Variants in HTR7 observed in about 807,000 individuals in gnomAD.
HTR7 encodes the protein 5-HT-7.
A neutral mutation model predicts 34.0 loss-of-function variants in HTR7; 16 were observed. The ratio of observed to expected loss-of-function variants is 0.47; its 90% CI spans 0.32 to 0.71. HTR7 has a LOEUF of 0.71. Among genes scored for constraint, HTR7 ranks in the 30% least tolerant of loss-of-function variants. The pLI, the probability that HTR7 is intolerant of heterozygous loss-of-function variation, is 0.04. For missense variants in HTR7, 504 were observed against 625.5 expected, an observed-to-expected ratio of 0.81 and a Z score of 2.07; for synonymous variants, 265 against 260.2, an observed-to-expected ratio of 1.02 and a Z score of -0.18.
chr10:90,773,914 G>A (rs1044079059), intron 1 of HTR7, among the ~76,000 whole-genome samples: 5 of 152,126 alleles, frequency 3.3e-5, no homozygotes, highest in Non-Finnish European at 7.3e-5. Flanking sequence ...CAACAAACAT[G>A]GGAGTGCAGA....
At chr10:90,780,493 T>C (rs557391837) in intron 1 of HTR7, among the ~76,000 whole-genome samples, 15 of 140,058 alleles carry the variant, frequency 1.1e-4, no homozygotes, top group African/African-American at 4.1e-4. Flanking sequence ...GCCGAGATCG[T>C]GGCACTGCAC....
chr10:90,777,074 A>G (rs114258875), intron 1 of HTR7, among the ~76,000 whole-genome samples: 4,167 of 152,282 alleles, frequency 0.027, 159 homozygotes, highest in African/African-American at 0.084. Context: ...TTTTCCTCTG[A>G]GGGTCAGCAG....
intron 1 of HTR7, among the ~76,000 whole-genome samples, chr10:90,850,778 A>G (rs1429305190): frequency 6.6e-6 from 1 of 152,256 alleles, no homozygotes; most frequent in Non-Finnish European, 1.5e-5. Flanking sequence ...CAGATTAGAC[A>G]TAGTAGAAGA....
intron 1 of HTR7, among the ~76,000 whole-genome samples, chr10:90,802,854 T>C (rs1845650057): frequency 6.6e-6 from 1 of 152,182 alleles, no homozygotes; most frequent in Non-Finnish European, 1.5e-5. Context: ...TTCCCTTCCA[T>C]GGACAGCTTT....
chr10:90,792,188 T>C (rs1232322802), intron 1 of HTR7, among the ~76,000 whole-genome samples: 1 of 152,152 alleles, frequency 6.6e-6, no homozygotes, highest in Non-Finnish European at 1.5e-5. Context: ...TCAAATTTCT[T>C]GCCTTCCAGT....
chr10:90,844,046 C>T (rs542366446), intron 1 of HTR7, among the ~76,000 whole-genome samples: 2 of 152,316 alleles, frequency 1.3e-5, no homozygotes, highest in South Asian at 4.1e-4. Context: ...GCAACAGAGA[C>T]CTTACAGTCC....
chr10:90,841,860 C>T (rs940855844), intron 1 of HTR7, among the ~76,000 whole-genome samples: 1 of 152,030 alleles, frequency 6.6e-6, no homozygotes, highest in African/African-American at 2.4e-5. Flanking sequence ...ATTAGCCAGG[C>T]GTGATGGTGC....
At chr10:90,747,554 G>A (rs1360889026) in intron 2 of HTR7, among the ~76,000 whole-genome samples, 1 of 152,178 alleles carries the variant, frequency 6.6e-6, no homozygotes, top group African/African-American at 2.4e-5. Flanking sequence ...TAAGATAAAG[G>A]CAGTCCAGTA....
intron 1 of HTR7, among the ~76,000 whole-genome samples, chr10:90,798,006 T>C (rs1243153858): frequency 1.3e-5 from 2 of 152,184 alleles, no homozygotes; most frequent in African/African-American, 4.8e-5. Flanking sequence ...CCACTCTTTC[T>C]ATAATGGTAT....
At chr10:90,849,908 C>T (rs959466045) in intron 1 of HTR7, among the ~76,000 whole-genome samples, 2 of 152,188 alleles carry the variant, frequency 1.3e-5, no homozygotes, top group Non-Finnish European at 2.9e-5. Context: ...GGAACAAAAT[C>T]CTAGAGAAGA....
chr10:90,743,837 T>C (rs1350002349), intron 2 of HTR7, 147 bp from the exon 3 acceptor site: 1 of 742,874 alleles, frequency 1.3e-6, no homozygotes, highest in Non-Finnish European at 2.4e-6. Context: ...TTGATAGCAG[T>C]AAATTAAAAT....
chr10:90,759,650 A>G (rs1844899728), intron 1 of HTR7, among the ~76,000 whole-genome samples: 1 of 114,746 alleles, frequency 8.7e-6, no homozygotes, highest in South Asian at 3.4e-4. Context: ...CGACAGAGCG[A>G]GACTCTGTCT....
chr10:90,768,348 T>C (rs1454207543), intron 1 of HTR7, among the ~76,000 whole-genome samples: 1 of 152,236 alleles, frequency 6.6e-6, no homozygotes, highest in African/African-American at 2.4e-5. Flanking sequence ...TTAATGTTAT[T>C]TATTTCATCA....
At chr10:90,752,041 G>A (rs1208717760) in intron 1 of HTR7, among the ~76,000 whole-genome samples, 3 of 152,160 alleles carry the variant, frequency 2.0e-5, no homozygotes, top group Non-Finnish European at 4.4e-5. Context: ...TGCCCTGGAT[G>A]TACAAATTAT....
Position 90,743,451 on chromosome 10 carries a change from T to C in HTR7, c.1393+142A>G, listed in dbSNP as rs1589431940. On this transcript the variant is annotated intron_variant, in intron 3 of 3. Transcript: ENST00000336152. Reference sequence around the variant, plus strand: ...CATCTGTGCTCCACAGACACATTCCTAGCCCAGGGCCACTGTCTCTTCCCA... The same window carrying C: ...CATCTGTGCTCCACAGACACATTCCCAGCCCAGGGCCACTGTCTCTTCCCA... 7.3e-6 allele frequency: 5 copies of C among 688,022 alleles called. No individual in the cohort carries two copies. In the East Asian group the frequency reaches 1.1e-4, roughly 15 times the overall value. The allele number at this position is 688,022 out of a possible 1,614,324, so 42.6% of individuals were successfully genotyped here. A position where few individuals can be genotyped will look rare whatever the true frequency, so the allele number is the denominator to read the frequency against.
chr10:90,777,993 A>G (rs1169474778), intron 1 of HTR7, among the ~76,000 whole-genome samples: 1 of 152,192 alleles, frequency 6.6e-6, no homozygotes, highest in African/African-American at 2.4e-5. Context: ...TTCCAAGGCT[A>G]CAATTTCCTA....
At chr10:90,830,352 C>T (rs1167870252) in intron 1 of HTR7, among the ~76,000 whole-genome samples, 2 of 152,214 alleles carry the variant, frequency 1.3e-5, no homozygotes, top group African/African-American at 2.4e-5. Flanking sequence ...GCTTACACAG[C>T]TTCTAAATTT....
chr10:90,784,168 A>T (rs777387215), intron 1 of HTR7, among the ~76,000 whole-genome samples: 8 of 152,190 alleles, frequency 5.3e-5, no homozygotes, highest in Non-Finnish European at 1.2e-4. Flanking sequence ...AGCTGAGGAG[A>T]TTTAACCATT....
intron 1 of HTR7, among the ~76,000 whole-genome samples, chr10:90,831,461 C>T (rs1846175682): frequency 1.3e-5 from 2 of 152,284 alleles, no homozygotes; most frequent in South Asian, 4.2e-4. Flanking sequence ...CAAATCTTCG[C>T]TGTGAGTGTT....
Sources: gnomAD v4.1 joint callset for allele counts (sites outside exome capture counted in the v4.1 genomes callset) on GRCh38, gnomAD v4.1.1 for gene constraint, MANE v1.5 for transcripts, NCBI Gene and HGNC (gene_info 2026-07-23, HGNC 2026-07-21) for gene names.